MCC: variants seen among roughly 807,000 people sequenced by gnomAD.
The protein encoded by MCC is colorectal mutant cancer protein.
A neutral mutation model predicts 116.2 loss-of-function variants in MCC; 90 were observed. The observed-to-expected ratio is 0.77, with a 90% CI of 0.65 to 0.92. MCC has a LOEUF of 0.92. Among genes scored for constraint, MCC ranks in the 40% least tolerant of loss-of-function variants. The pLI is 0.00. For synonymous variants in MCC, 578 were observed against 510.5 expected, an observed-to-expected ratio of 1.13 and a Z score of -1.78; for missense variants, 1,516 against 1,312.2, an observed-to-expected ratio of 1.16 and a Z score of -2.40.
chr5:113,413,549 T>C lies in MCC; in HGVS notation c.171-28337A>G, dbSNP rs184278140. ...ATCTATTTGTTCTAGCTTTTCTAGT[T>C]TATTTGCATAGAGGTGTTTATAGTA... On this transcript the variant is annotated intron_variant, in intron 1 of 18. Transcript: ENST00000408903. 1.4e-4 allele frequency among the ~76,000 whole-genome samples: 22 copies of C among 152,384 alleles called. No homozygotes were observed. In the East Asian group the frequency reaches 2.1e-3, roughly 15 times the overall value.
intron 3 of MCC, among the ~76,000 whole-genome samples, chr5:113,301,648 C>T (rs1766864620): frequency 6.6e-6 from 1 of 152,048 alleles, no homozygotes; most frequent in Non-Finnish European, 1.5e-5. Context: ...GCAGAGATGA[C>T]ATTTCAGCAT....
intron 5 of MCC, among the ~76,000 whole-genome samples, chr5:113,131,401 T>C (rs1581125001): frequency 6.6e-6 from 1 of 152,134 alleles, no homozygotes; most frequent in African/African-American, 2.4e-5. Flanking sequence ...ACAGTGCGTG[T>C]TATATGATCA....
intron 1 of MCC, among the ~76,000 whole-genome samples, chr5:113,472,145 C>T (rs568982067): frequency 1.4e-4 from 21 of 152,278 alleles, no homozygotes; most frequent in Admixed American, 6.5e-4. Context: ...CTTTGGCTCA[C>T]GCACGGTGCG....
chr5:113,110,172 G>C (rs1355141422), intron 6 of MCC, among the ~76,000 whole-genome samples: 1 of 152,074 alleles, frequency 6.6e-6, no homozygotes, highest in African/African-American at 2.4e-5. Context: ...GGAGGCCTTT[G>C]GTAGCAAATA....
At chr5:113,237,283 ATGACTACATT>A (rs1764169510) in intron 3 of MCC, among the ~76,000 whole-genome samples, 1 of 152,194 alleles carries the variant, frequency 6.6e-6, no homozygotes, top group East Asian at 1.9e-4. Context: ...CTACTTTTTA[ATGACTACATT>A]TTGGGCCATT....
chr5:113,231,929 C>T (rs1227909237), intron 3 of MCC, among the ~76,000 whole-genome samples: 3 of 152,070 alleles, frequency 2.0e-5, no homozygotes, highest in African/African-American at 7.2e-5. Context: ...CTAGTTTTTA[C>T]TATATATCTG....
chr5:113,294,536 GAGGATGCAGGCACTCTTAAAA>G, intron 3 of MCC: 1 of 1,448,024 alleles, frequency 6.9e-7, no homozygotes, highest in Non-Finnish European at 9.1e-7. Context: ...AGCGCAAACG[GAGGATGCAGGCACTCTTAAAA>G]AGAGCAGCCG....
chr5:113,271,139 C>T (rs989699765), intron 3 of MCC, among the ~76,000 whole-genome samples: 1 of 152,104 alleles, frequency 6.6e-6, no homozygotes, highest in Non-Finnish European at 1.5e-5. Flanking sequence ...ATCTAAGAGG[C>T]CTTTGTTTAC....
chr5:113,173,601 A>T (rs759689142), intron 3 of MCC, among the ~76,000 whole-genome samples: 6 of 152,238 alleles, frequency 3.9e-5, no homozygotes, highest in Non-Finnish European at 8.8e-5. Flanking sequence ...AATCATGTGC[A>T]TGACTGAATC....
Position 113,161,620 on chromosome 5 carries a change from ATGTGTGTGTG to A in MCC, c.628-10208_628-10199del, listed in dbSNP as rs57962617. On this transcript the variant is annotated intron_variant, in intron 3 of 18. Transcript: ENST00000408903. ...GGAAAGCAAATGGAGGTTTAGATTT[ATGTGTGTGTG>A]TGTGTGTGTGTGTGTGTGTGTGTGT... Among the ~76,000 whole-genome samples, 646 of 148,440 alleles carry A rather than the reference ATGTGTGTGTG, an allele frequency of 4.4e-3. 6 individuals are homozygous for A. Among genetic ancestry groups the A allele is most frequent in the East Asian group, 0.021 (104 of 5,018 alleles).
At chr5:113,384,631 C>G (rs1769204911) in intron 2 of MCC, among the ~76,000 whole-genome samples, 2 of 152,208 alleles carry the variant, frequency 1.3e-5, no homozygotes, top group African/African-American at 4.8e-5. Context: ...TGCATGTAAC[C>G]TTGAAACTTC....
At chr5:113,162,497 C>CTT (rs149275262) in intron 3 of MCC, among the ~76,000 whole-genome samples, 20 of 152,098 alleles carry the variant, frequency 1.3e-4, no homozygotes, top group African/African-American at 4.8e-4. Context: ...TCGTTGCAAT[C>CTT]TTCTTTTTTT....
chr5:113,137,893 G>A (rs535960013), intron 5 of MCC, among the ~76,000 whole-genome samples: 1 of 152,204 alleles, frequency 6.6e-6, no homozygotes, highest in Admixed American at 6.5e-5. Flanking sequence ...TTTGGATTGA[G>A]TCCATAATGC....
At chr5:113,457,016 C>T (rs1771572061) in intron 1 of MCC, among the ~76,000 whole-genome samples, 1 of 152,240 alleles carries the variant, frequency 6.6e-6, no homozygotes, top group Non-Finnish European at 1.5e-5. Flanking sequence ...CTCTCACCGC[C>T]TCCTCTGCCT....
At chr5:113,028,892 C>G in intron 18 of MCC, 42 bp downstream of exon 18, 1 of 1,602,228 alleles carries the variant, frequency 6.2e-7, no homozygotes, top group Non-Finnish European at 8.5e-7. Context: ...CCAAGTACCA[C>G]AGGTGGAGGG....
In MCC at chr5:113,031,584, GA is replaced by G. The variant is rs111756030; in HGVS notation, c.2757-2529del. Among the ~76,000 whole-genome samples the G allele has an allele frequency of 9.8e-3, 1,488 of 151,616 alleles. 24 individuals carry two copies. The highest frequency in any genetic ancestry group is 0.034 in the African/African-American group (1,419 of 41,344). On this transcript the variant is annotated intron_variant, in intron 17 of 18. Transcript: ENST00000408903. ...CTAATGTTGATTAATAGTGTAAAAGGAAAAAAAATACTGAAGAGTTAAAAAT... is the reference window on the plus strand; with the variant it reads ...CTAATGTTGATTAATAGTGTAAAAGGAAAAAAATACTGAAGAGTTAAAAAT...
chr5:113,086,802 G>A (rs1755227841), intron 8 of MCC, among the ~76,000 whole-genome samples: 3 of 150,418 alleles, frequency 2.0e-5, no homozygotes, highest in African/African-American at 7.5e-5. Context: ...GTTAGCACTA[G>A]GAAATTTAAG....
intron 5 of MCC, among the ~76,000 whole-genome samples, chr5:113,134,986 G>GA (rs1310516864): frequency 2.7e-5 from 4 of 145,738 alleles, no homozygotes; most frequent in African/African-American, 5.1e-5. Flanking sequence ...CTGTCTCCCA[G>GA]CCTGGAGTGC....
intron 1 of MCC, among the ~76,000 whole-genome samples, chr5:113,421,849 A>C (rs1286103228): frequency 1.1e-4 from 16 of 152,280 alleles, no homozygotes; most frequent in South Asian, 2.1e-4. Context: ...TGAAATAGTC[A>C]ATTTCCTAGG....
Sources: allele counts gnomAD v4.1 joint callset (sites outside exome capture counted in the v4.1 genomes callset), GRCh38; gene constraint gnomAD v4.1.1; transcripts MANE v1.5; gene names NCBI Gene and HGNC (gene_info 2026-07-23, HGNC 2026-07-21).